The following AKAP12 variants were observed in gnomAD, a reference collection of about 807,000 sequenced individuals.
AKAP12 encodes A-kinase anchor protein 12.
AKAP12 carries 32 observed loss-of-function variants against 79.9 expected under a neutral mutation model. That is an observed-to-expected ratio of 0.40 (90% CI 0.30 to 0.54). The LOEUF (loss-of-function observed/expected upper bound fraction) is 0.54. AKAP12 is among the 20% of genes least tolerant of loss of function. The pLI, the probability that AKAP12 is intolerant of heterozygous loss-of-function variation, is 0.48. For synonymous variants in AKAP12, 808 were observed against 857.0 expected (o/e 0.94, Z 1.00); for missense variants, 2,074 against 2,177.0 (o/e 0.95, Z 0.94).
intron 2 of AKAP12, among the ~76,000 whole-genome samples, chr6:151,275,814 C>T (rs6938445): frequency 0.38 from 57,574 of 152,012 alleles, 11,672 homozygotes; most frequent in Admixed American, 0.5. Flanking sequence ...GTATTTTCCA[C>T]TCCAGTGTGG....
intron 2 of AKAP12, among the ~76,000 whole-genome samples, chr6:151,248,485 G>C (rs572380734): frequency 7.2e-5 from 11 of 152,042 alleles, no homozygotes; most frequent in Non-Finnish European, 1.3e-4. Context: ...AGGAGTAGGC[G>C]TAAGAGCTGA....
In AKAP12 at chr6:151,353,730, C is replaced by G. The variant is rs532732196; in HGVS notation, c.5339C>G (p.Thr1780Arg). The part of the protein sequence containing the change: ...QERESAKSEL[T>R]ES ...AGAGAATCTGCAAAGTCAGAACTTA[C>G]AGAATCTTAAAACATCATGCAGGTA... Residue 1780 changes from threonine (T) to arginine (R), a missense_variant, in exon 4 of 5, where the codon ACA becomes AGA. By Grantham distance (71) the Thr-to-Arg change is moderately conservative. Around this residue, in one of 3 missense-constraint regions of AKAP12, gnomAD observed 614 missense variants for 665.6 expected, o/e 0.92. Transcript: ENST00000402676. 5 of 1,584,472 alleles carry G rather than the reference C, an allele frequency of 3.2e-6. No homozygotes were observed. The highest frequency in any genetic ancestry group is 1.7e-4 in the Middle Eastern group (1 of 5,910).
chr6:151,274,413 G>C (rs1311003330), intron 2 of AKAP12, among the ~76,000 whole-genome samples: 1 of 152,096 alleles, frequency 6.6e-6, no homozygotes, highest in African/African-American at 2.4e-5. Flanking sequence ...TGGGGGTGTG[G>C]TGATGGTGGA....
Position 151,349,557 on chromosome 6 carries a change from A to G in AKAP12, c.1166A>G (p.Gln389Arg), listed in dbSNP as rs774580485. ...LPSEEQVSGS[Q>R]GPSEEKPAPL... ...TCAGAGGAGCAAGTCAGTGGCTCGC[A>G]GGGACCTTCTGAAGAGAAACCTGCT... The change falls in exon 4 of 5, where the codon CAG becomes CGG. Residue 389 changes from glutamine to arginine, a missense_variant. Coordinates refer to ENST00000402676, the MANE Select transcript of AKAP12 (RefSeq NM_005100.4). 2 of 1,611,648 alleles carry G rather than the reference A, an allele frequency of 1.2e-6. No homozygotes were observed. The highest frequency in any genetic ancestry group is 1.7e-6 in the Non-Finnish European group (2 of 1,179,350).
At chr6:151,248,556 A>G (rs1370177416) in intron 2 of AKAP12, among the ~76,000 whole-genome samples, 1 of 152,170 alleles carries the variant, frequency 6.6e-6, no homozygotes, top group African/African-American at 2.4e-5. Flanking sequence ...TGCAGATTTC[A>G]CTGAGATTGG....
Position 151,350,072 on chromosome 6 carries a change from C to A in AKAP12, c.1681C>A (p.Gln561Lys). ...PADSPDSQEE[Q>K]KGESSASSPE... Reference sequence around the variant, plus strand: ...CGATTCTCCGGACAGCCAGGAGGAGCAAAAGGGCGAGAGCTCTGCCTCATC... The same window carrying A: ...CGATTCTCCGGACAGCCAGGAGGAGAAAAAGGGCGAGAGCTCTGCCTCATC... The change falls in exon 4 of 5, where the codon CAA (glutamine) becomes AAA (lysine). Residue 561 changes from glutamine to lysine, a missense_variant. Coordinates refer to ENST00000402676, the MANE Select transcript of AKAP12 (RefSeq NM_005100.4). This position sits in a 1 kb window ranked among gnomAD's most constrained non-coding sequence, Gnocchi z 4.8. 2.5e-6 allele frequency: 4 copies of A among 1,614,070 alleles called. No individual in the cohort carries two copies. The highest frequency in any genetic ancestry group is 3.4e-6 in the Non-Finnish European group (4 of 1,180,010).
chr6:151,282,409 C>A (rs1203909115), intron 2 of AKAP12, among the ~76,000 whole-genome samples: 2 of 152,142 alleles, frequency 1.3e-5, no homozygotes, highest in Non-Finnish European at 2.9e-5. Flanking sequence ...CGTGCCCAGC[C>A]TGCCCATACA....
chr6:151,312,984 T>C (rs1777151848), intron 3 of AKAP12, among the ~76,000 whole-genome samples: 1 of 152,134 alleles, frequency 6.6e-6, no homozygotes, highest in Non-Finnish European at 1.5e-5. Context: ...CAGTTTTCAG[T>C]TGGAGTTCAC....
intron 3 of AKAP12, chr6:151,325,817 G>C: frequency 6.2e-7 from 1 of 1,613,934 alleles, no homozygotes; most frequent in Non-Finnish European, 8.5e-7. Flanking sequence ...GGGAGGGCAG[G>C]GACCCGCTAA....
At position 151,349,143 on chromosome 6, in the gene AKAP12, A is replaced by G. The variant is rs748510944; in HGVS notation, c.752A>G (p.Glu251Gly). Residue 251 changes from glutamate (E) to glycine (G), a missense_variant, in exon 4 of 5, where the codon GAA becomes GGA. Glu to Gly is a moderately conservative substitution (Grantham distance 98). Transcript: ENST00000402676. ...ETLKREQSHA[E>G]ISPPAESGQA... ...CTGAAGCGTGAGCAAAGCCACGCAG[A>G]AATTTCTCCCCCAGCCGAATCTGGC... 1.9e-6 allele frequency: 3 copies of G among 1,613,952 alleles called. No homozygotes were observed. Among genetic ancestry groups the G allele is most frequent in the Non-Finnish European group, 2.5e-6 (3 of 1,180,042 alleles).
Position 151,349,279 on chromosome 6 carries a change from C to T in AKAP12, c.888C>T (p.Phe296=). ...TGACCAGTGAAACAGGATCAACCTT[C>T]AAAAAATTCTTCACTCAAGGTTGGG... ...SPVTSETGST[F]KKFFTQGWAG... is the part of the protein sequence containing the mutation. Residue 296 remains phenylalanine, a synonymous_variant, in exon 4 of 5, where the codon TTC becomes TTT. Coordinates refer to ENST00000402676, the MANE Select transcript of AKAP12 (RefSeq NM_005100.4). 1 of 1,612,868 alleles carries T rather than the reference C, an allele frequency of 6.2e-7. No individual in the cohort carries two copies. Among genetic ancestry groups the T allele is most frequent in the East Asian group, 2.2e-5 (1 of 44,878 alleles).
intron 3 of AKAP12, among the ~76,000 whole-genome samples, chr6:151,345,721 C>T (rs1039968735): frequency 3.3e-5 from 5 of 150,316 alleles, no homozygotes; most frequent in Non-Finnish European, 5.9e-5. Context: ...CGCTTGAACC[C>T]GGGAGGTGGA....
At chr6:151,330,839 C>T (rs1432813185) in intron 3 of AKAP12, among the ~76,000 whole-genome samples, 3 of 152,082 alleles carry the variant, frequency 2.0e-5, no homozygotes, top group African/African-American at 7.2e-5. Context: ...AGGTTTTGAA[C>T]ACACGGGCTG....
rs142001511 is a variant in AKAP12, at chr6:151,315,000, C to T, written c.319+9097C>T. 1.8e-3 allele frequency among the ~76,000 whole-genome samples: 268 copies of T among 148,628 alleles called. 1 individual carries two copies. Among genetic ancestry groups the T allele is most frequent in the African/African-American group, 5.9e-3 (236 of 40,154 alleles). On this transcript the variant is annotated intron_variant, in intron 3 of 4. Transcript: ENST00000402676. ...CCGGTAGGCGAGGGTTGCAATGAGC[C>T]GAGATCACACCATTGCACTCCACCC...
intron 2 of AKAP12, among the ~76,000 whole-genome samples, chr6:151,267,613 C>T (rs768994249): frequency 1.1e-4 from 17 of 152,070 alleles, no homozygotes; most frequent in African/African-American, 1.9e-4. Context: ...TTTCCTCTGA[C>T]GATTTTTGCA....
chr6:151,318,078 G>A (rs1333313442), intron 3 of AKAP12, among the ~76,000 whole-genome samples: 1 of 152,184 alleles, frequency 6.6e-6, no homozygotes, highest in East Asian at 1.9e-4. Context: ...ACTCTAAGGT[G>A]ATGTGGTATT....
chr6:151,249,533 T>A (rs1188385062), intron 2 of AKAP12, among the ~76,000 whole-genome samples: 1 of 152,190 alleles, frequency 6.6e-6, no homozygotes, highest in Non-Finnish European at 1.5e-5. Flanking sequence ...TGCTAGGAAC[T>A]GGGGAAACAG....
chr6:151,348,415 G>A (rs141310830), intron 3 of AKAP12: 4 of 526,286 alleles, frequency 7.6e-6, no homozygotes, highest in African/African-American at 1.9e-5. Flanking sequence ...GAGACAGGAG[G>A]GTCACTTGAG....
chr6:151,341,466 TG>T (rs1044082443), intron 3 of AKAP12, among the ~76,000 whole-genome samples: 1 of 152,108 alleles, frequency 6.6e-6, no homozygotes, highest in African/African-American at 2.4e-5. Flanking sequence ...GAGACCCCAC[TG>T]GGGCGGTCCG....
Sources: gnomAD v4.1 joint callset for allele counts (sites outside exome capture counted in the v4.1 genomes callset) on GRCh38, gnomAD v4.1.1 for gene constraint, gnomAD v4.1.1 regional missense constraint, Gnocchi (gnomAD v3.1) non-coding constraint, MANE v1.5 for transcripts, NCBI Gene and HGNC (gene_info 2026-07-23, HGNC 2026-07-21) for gene names.